FALEC: variants seen among roughly 807,000 people sequenced by gnomAD.
FALEC encodes focally amplified lncRNA on chromosome 1.
At chr1:150,528,628 C>T in the FALEC span, among the ~76,000 whole-genome samples, 2 of 150,406 alleles carry the variant, frequency 1.3e-5, no homozygotes, top group Admixed American at 1.3e-4. Flanking sequence ...GTCGCCCAGG[C>T]TGGAGTGCAG....
chr1:150,529,041 C>CAAAAAAAAAAAAAAAAAAAAAAAAAAAAA, the FALEC span, among the ~76,000 whole-genome samples: 1 of 58,676 alleles, frequency 1.7e-5, no homozygotes, highest in African/African-American at 6.9e-5. Context: ...AAAAAAAAAT[C>CAAAAAAAAAAAAAAAAAAAAAAAAAAAAA]AAAGGATCTA....
chr1:150,517,375 G>A (rs1324696843), intron 1 of FALEC, among the ~76,000 whole-genome samples: 1 of 151,786 alleles, frequency 6.6e-6, no homozygotes, highest in Non-Finnish European at 1.5e-5. Context: ...AGATAGGGTT[G>A]AGAGAACCTG....
the FALEC span, among the ~76,000 whole-genome samples, chr1:150,527,609 A>G: frequency 0.13 from 19,711 of 152,136 alleles, 1,319 homozygotes; most frequent in African/African-American, 0.15. Context: ...GAGGCTGGGC[A>G]TGGTGGCTGG....
chr1:150,519,472 A>C (rs748529903), downstream of FALEC, among the ~76,000 whole-genome samples: 18 of 151,484 alleles, frequency 1.2e-4, no homozygotes. Flanking sequence ...TGTAATCCCA[A>C]CACTTTGGGA....
At chr1:150,535,524 G>A in the FALEC span, among the ~76,000 whole-genome samples, 8 of 152,226 alleles carry the variant, frequency 5.3e-5, no homozygotes, top group Admixed American at 2.6e-4. Context: ...GATTACACGC[G>A]TGAGCCACCG....
downstream of FALEC, among the ~76,000 whole-genome samples, chr1:150,522,984 T>TA (rs1438355450): frequency 6.8e-5 from 3 of 44,192 alleles, no homozygotes; most frequent in East Asian, 4.2e-4. Context: ...TATATATATA[T>TA]TTTTTTTTTT....
chr1:150,524,996 A>G, the FALEC span, among the ~76,000 whole-genome samples: 3 of 39,280 alleles, frequency 7.6e-5, no homozygotes, highest in Admixed American at 2.1e-4. Context: ...CCCTGTCTTG[A>G]AAAAAAAAAA....
chr1:150,516,010 G>A (rs2101450038), exon 1 of FALEC: 1 of 152,416 alleles, frequency 6.6e-6, no homozygotes, highest in African/African-American at 2.4e-5. Flanking sequence ...ACTTTGGGAG[G>A]CCGAGGCGGT....
chr1:150,529,460 A>G, the FALEC span, among the ~76,000 whole-genome samples: 5 of 152,250 alleles, frequency 3.3e-5, no homozygotes, highest in African/African-American at 9.6e-5. Context: ...CTTGTCCCCA[A>G]AATGAAACCT....
At chr1:150,536,517 TGCAGTG>T in the FALEC span, among the ~76,000 whole-genome samples, 1 of 152,170 alleles carries the variant, frequency 6.6e-6, no homozygotes, top group South Asian at 2.1e-4. Flanking sequence ...TAGGGCCAGG[TGCAGTG>T]GCTCACGCCT....
At chr1:150,533,430 CTTTTT>C in the FALEC span, among the ~76,000 whole-genome samples, 2 of 97,672 alleles carry the variant, frequency 2.0e-5, no homozygotes, top group East Asian at 7.4e-4. Context: ...AGAACCAGAG[CTTTTT>C]TTTTTTTTTT....
At chr1:150,522,974 TATATATA>T (rs1220058283), downstream of FALEC, among the ~76,000 whole-genome samples, 34 of 52,386 alleles carry the variant, frequency 6.5e-4, 2 homozygotes, top group African/African-American at 9.2e-4. Context: ...TATATATATA[TATATATA>T]TATTTTTTTT....
At chr1:150,536,236 G>A in the FALEC span, among the ~76,000 whole-genome samples, 1 of 152,210 alleles carries the variant, frequency 6.6e-6, no homozygotes, top group Non-Finnish European at 1.5e-5. Context: ...GATGCCATGA[G>A]CAAAGTGTCA....
downstream of FALEC, among the ~76,000 whole-genome samples, chr1:150,521,662 C>G (rs903792779): frequency 2.6e-5 from 4 of 152,114 alleles, no homozygotes; most frequent in Admixed American, 1.3e-4. Flanking sequence ...TTTGGAGATT[C>G]AGTTATTCCA....
At chr1:150,522,854 T>TATATACGTATATATAC (rs1560270587), downstream of FALEC, among the ~76,000 whole-genome samples, 4 of 95,968 alleles carry the variant, frequency 4.2e-5, no homozygotes, top group Admixed American at 2.1e-4. Context: ...TCTCTCTCTA[T>TATATACGTATATATAC]ATATATATAT....
chr1:150,526,527 ATGT>A, the FALEC span, among the ~76,000 whole-genome samples: 8 of 65,024 alleles, frequency 1.2e-4, no homozygotes, highest in Admixed American at 3.8e-4. Context: ...ATTGAACCTA[ATGT>A]TGTTTTTTTT....
At chr1:150,534,675 G>A in the FALEC span, among the ~76,000 whole-genome samples, 1 of 151,814 alleles carries the variant, frequency 6.6e-6, no homozygotes, top group Non-Finnish European at 1.5e-5. Flanking sequence ...AACCCCGTCT[G>A]TACTAAAAAT....
the FALEC span, among the ~76,000 whole-genome samples, chr1:150,535,539 C>G: frequency 6.6e-6 from 1 of 152,246 alleles, no homozygotes. Context: ...CCACCGCGCC[C>G]AGGCTCAAAT....
At chr1:150,526,817 G>A in the FALEC span, among the ~76,000 whole-genome samples, 10 of 150,216 alleles carry the variant, frequency 6.7e-5, no homozygotes, top group African/African-American at 2.5e-4. Flanking sequence ...TGTATTTTTA[G>A]TAGAGATGGG....
Sources: allele counts gnomAD v4.1 joint callset (sites outside exome capture counted in the v4.1 genomes callset), GRCh38; gene constraint gnomAD v4.1.1; transcripts MANE v1.5; gene names NCBI Gene and HGNC (gene_info 2026-07-23, HGNC 2026-07-21).